KHDRBS2: variants seen among roughly 807,000 people sequenced by gnomAD.
KHDRBS2 encodes KH domain-containing, RNA-binding, signal transduction-associated protein 2.
Under a neutral mutation model 44.3 loss-of-function variants are expected in KHDRBS2, and 26 were observed. The ratio of observed to expected loss-of-function variants is 0.59; its 90% CI spans 0.43 to 0.81. The LOEUF (loss-of-function observed/expected upper bound fraction) is 0.81, where lower values mean the gene tolerates loss of function less well. KHDRBS2 is among the 40% of genes least tolerant of loss of function. KHDRBS2 has a pLI of 0.00. For synonymous variants in KHDRBS2, 194 were observed against 151.1 expected (o/e 1.28, Z -2.08); for missense variants, 476 against 433.1 (o/e 1.10, Z -0.88).
intron 3 of KHDRBS2, among the ~76,000 whole-genome samples, chr6:61,987,473 T>C (rs577421803): frequency 6.6e-6 from 1 of 152,324 alleles, no homozygotes; most frequent in South Asian, 2.1e-4. Context: ...GAGTTATAAT[T>C]TACTAAAGTG....
At chr6:62,217,834 T>A (rs1189110677) in intron 1 of KHDRBS2, among the ~76,000 whole-genome samples, 1 of 151,942 alleles carries the variant, frequency 6.6e-6, no homozygotes, top group Non-Finnish European at 1.5e-5. Context: ...TTTATATAAG[T>A]GAAGTTTTTA....
intron 3 of KHDRBS2, among the ~76,000 whole-genome samples, chr6:62,042,641 G>A (rs571664628): frequency 6.6e-6 from 1 of 152,180 alleles, no homozygotes; most frequent in Non-Finnish European, 1.5e-5. Flanking sequence ...AGAGATGGCT[G>A]GTGCTAGGTT....
chr6:61,557,820 T>C, the KHDRBS2 span, among the ~76,000 whole-genome samples: 4 of 152,168 alleles, frequency 2.6e-5, no homozygotes, highest in Admixed American at 2.6e-4. Context: ...TCTCTTTACT[T>C]GTCATTGGTC....
chr6:62,065,807 T>G (rs1410966965), intron 2 of KHDRBS2, among the ~76,000 whole-genome samples: 2 of 152,010 alleles, frequency 1.3e-5, no homozygotes, highest in East Asian at 3.9e-4. Flanking sequence ...TGATCCATGT[T>G]TTACCAAAAT....
the KHDRBS2 span, among the ~76,000 whole-genome samples, chr6:61,595,662 G>A: frequency 2.6e-5 from 4 of 151,608 alleles, no homozygotes; most frequent in Non-Finnish European, 5.9e-5. Context: ...GTAATTTTGA[G>A]CTGTTTCATA....
At chr6:62,202,109 T>C (rs1364516868) in intron 1 of KHDRBS2, among the ~76,000 whole-genome samples, 2 of 152,112 alleles carry the variant, frequency 1.3e-5, no homozygotes, top group African/African-American at 4.8e-5. Flanking sequence ...ATAGGACTTG[T>C]ATTTATTCTG....
chr6:62,113,242 T>C (rs1247090544), intron 2 of KHDRBS2, among the ~76,000 whole-genome samples: 2 of 152,114 alleles, frequency 1.3e-5, no homozygotes, highest in Non-Finnish European at 2.9e-5. Context: ...TGGCTGAACA[T>C]ATGATTCATT....
At chr6:62,228,071 T>C (rs1277248419) in intron 1 of KHDRBS2, among the ~76,000 whole-genome samples, 1 of 152,182 alleles carries the variant, frequency 6.6e-6, no homozygotes, top group African/African-American at 2.4e-5. Flanking sequence ...CCTTTTCTAT[T>C]GTTTGTAATA....
chr6:62,074,809 A>G (rs1188382261), intron 2 of KHDRBS2, among the ~76,000 whole-genome samples: 1 of 151,818 alleles, frequency 6.6e-6, no homozygotes, highest in Non-Finnish European at 1.5e-5. Context: ...AACATATTTT[A>G]TTATAGTTTC....
the KHDRBS2 span, among the ~76,000 whole-genome samples, chr6:61,645,524 TA>T: frequency 1.5e-3 from 228 of 147,640 alleles, 2 homozygotes; most frequent in South Asian, 8.0e-3. Context: ...TTGGCAGCCA[TA>T]AAAAAAAAAA....
At chr6:61,776,110 C>A (rs1781943256) in intron 6 of KHDRBS2, among the ~76,000 whole-genome samples, 1 of 152,104 alleles carries the variant, frequency 6.6e-6, no homozygotes, top group African/African-American at 2.4e-5. Flanking sequence ...GAAACTGGAT[C>A]CCTTCCTTAC....
At chr6:62,066,991 A>T (rs1279091487) in intron 2 of KHDRBS2, among the ~76,000 whole-genome samples, 1 of 151,580 alleles carries the variant, frequency 6.6e-6, no homozygotes, top group Non-Finnish European at 1.5e-5. Flanking sequence ...CAGCAGTGGG[A>T]GTAAATTAAA....
chr6:61,731,345 C>T lies in KHDRBS2; in HGVS notation c.893+1337G>A, dbSNP rs541865800. ...AAGCGCTTGGCTCATGATGGCTTCT[C>T]TATTTAGCTTACTAGAAATTAACCA... is the stretch of plus-strand genomic sequence containing the variant. On this transcript the variant is annotated intron_variant, in intron 7 of 8. Coordinates refer to ENST00000281156, the MANE Select transcript of KHDRBS2 (RefSeq NM_152688.4). Among the ~76,000 whole-genome samples, 236 of 152,048 alleles carry T rather than the reference C, an allele frequency of 1.6e-3. 3 individuals are homozygous for T. The highest frequency in any genetic ancestry group is 1.9e-3 in the Admixed American group (29 of 15,242).
chr6:61,636,629 A>G, the KHDRBS2 span, among the ~76,000 whole-genome samples: 1 of 152,132 alleles, frequency 6.6e-6, no homozygotes, highest in Admixed American at 6.6e-5. Context: ...TTGGCATCTA[A>G]TGGATAGAGG....
chr6:61,563,470 G>A, the KHDRBS2 span, among the ~76,000 whole-genome samples: 1 of 151,970 alleles, frequency 6.6e-6, no homozygotes, highest in African/African-American at 2.4e-5. Context: ...TGTTTTAAGA[G>A]GTAAACATTA....
At chr6:62,119,354 G>T (rs568873977) in intron 2 of KHDRBS2, among the ~76,000 whole-genome samples, 1 of 152,140 alleles carries the variant, frequency 6.6e-6, no homozygotes, top group African/African-American at 2.4e-5. Context: ...TCTTAAGTTC[G>T]CTGGACAAAG....
chr6:61,850,126 G>A (rs2127282697), intron 6 of KHDRBS2, among the ~76,000 whole-genome samples: 1 of 152,118 alleles, frequency 6.6e-6, no homozygotes, highest in Admixed American at 6.6e-5. Context: ...ACCTTTCAGA[G>A]CTTCAATCTC....
intron 7 of KHDRBS2, among the ~76,000 whole-genome samples, chr6:61,713,692 A>G (rs1482391949): frequency 6.6e-6 from 1 of 151,572 alleles, no homozygotes; most frequent in African/African-American, 2.4e-5. Flanking sequence ...TATACAATAT[A>G]CACATAGATC....
intron 6 of KHDRBS2, among the ~76,000 whole-genome samples, chr6:61,788,138 T>C (rs1582846233): frequency 6.6e-6 from 1 of 151,616 alleles, no homozygotes; most frequent in Admixed American, 6.6e-5. Context: ...TGGTCTCATA[T>C]GTTGTTACAA....
Sources: gnomAD v4.1 joint callset for allele counts (sites outside exome capture counted in the v4.1 genomes callset) on GRCh38, gnomAD v4.1.1 for gene constraint, MANE v1.5 for transcripts, NCBI Gene and HGNC (gene_info 2026-07-23, HGNC 2026-07-21) for gene names.